The following SPMAP2 variants were observed in gnomAD, a reference collection of about 807,000 sequenced individuals.
The protein encoded by SPMAP2 is Theg homolog.
At chr19:375,144 G>A in the SPMAP2 span, among the ~76,000 whole-genome samples, 1 of 152,190 alleles carries the variant, frequency 6.6e-6, no homozygotes, top group Non-Finnish European at 1.5e-5. Context: ...TGCGCGCCTT[G>A]CTGGGGACAC....
At chr19:367,137 A>C in the SPMAP2 span, 3 of 1,613,180 alleles carry the variant, frequency 1.9e-6, no homozygotes, top group Non-Finnish European at 2.5e-6. Flanking sequence ...CACTCTTCCA[A>C]GAGGGTGGCT....
the SPMAP2 span, chr19:374,271 A>G: frequency 5.0e-6 from 8 of 1,611,116 alleles, no homozygotes; most frequent in African/African-American, 1.3e-5. Context: ...CGCTGCCCCT[A>G]CGAGGCCGTG....
chr19:370,571 C>T, the SPMAP2 span, among the ~76,000 whole-genome samples: 1 of 150,850 alleles, frequency 6.6e-6, no homozygotes, highest in Non-Finnish European at 1.5e-5. Context: ...AGGATGGTCT[C>T]GATCTGCTGA....
At chr19:374,256 G>A in the SPMAP2 span, 91 of 1,606,152 alleles carry the variant, frequency 5.7e-5, 1 homozygote, top group Middle Eastern at 1.7e-4. Context: ...AGAGAAAGCC[G>A]CCCACGCTGC....
chr19:367,110 G>C, the SPMAP2 span: 6 of 1,613,032 alleles, frequency 3.7e-6, no homozygotes, highest in African/African-American at 1.3e-5. Context: ...TGTGGCTTGG[G>C]TTTTGGCACG....
chr19:362,051 C>T, the SPMAP2 span: 17 of 496,966 alleles, frequency 3.4e-5, no homozygotes, highest in East Asian at 5.8e-4. Context: ...CTGGACAAGT[C>T]GCAGGTTGGA....
chr19:365,916 G>A, the SPMAP2 span, among the ~76,000 whole-genome samples: 4 of 152,176 alleles, frequency 2.6e-5, no homozygotes, highest in Admixed American at 1.3e-4. Flanking sequence ...GCCGAGGTGG[G>A]CGGATCATGA....
At chr19:369,508 T>A in the SPMAP2 span, among the ~76,000 whole-genome samples, 1 of 150,964 alleles carries the variant, frequency 6.6e-6, no homozygotes, top group Non-Finnish European at 1.5e-5. Context: ...GTTCATTCCC[T>A]GCTTGGAGAA....
chr19:363,195 T>C, the SPMAP2 span, among the ~76,000 whole-genome samples: 1 of 152,208 alleles, frequency 6.6e-6, no homozygotes, highest in African/African-American at 2.4e-5. Flanking sequence ...TTTTTATTTG[T>C]TTATTTATTT....
At chr19:370,781 G>C in the SPMAP2 span, among the ~76,000 whole-genome samples, 10 of 152,372 alleles carry the variant, frequency 6.6e-5, no homozygotes, top group African/African-American at 2.2e-4. Context: ...GCACGCGAGA[G>C]TCTCAGATGC....
At chr19:362,452 G>C in the SPMAP2 span, 1 of 1,546,030 alleles carries the variant, frequency 6.5e-7, no homozygotes, top group Non-Finnish European at 8.8e-7. Context: ...GAGAAGGACA[G>C]CACTGAAGCT....
At chr19:362,479 A>C in the SPMAP2 span, 1 of 1,450,020 alleles carries the variant, frequency 6.9e-7, no homozygotes, top group Non-Finnish European at 9.4e-7. Flanking sequence ...TCAAAGCTCC[A>C]CATTCAGGCT....
the SPMAP2 span, chr19:371,410 GTC>G: frequency 1.8e-6 from 1 of 566,714 alleles, no homozygotes. Flanking sequence ...GTGTGTATGT[GTC>G]TGTCTGTCTT....
chr19:367,822 G>A, the SPMAP2 span, among the ~76,000 whole-genome samples: 107 of 152,318 alleles, frequency 7.0e-4, no homozygotes, highest in African/African-American at 2.5e-3. Context: ...TGCACAAGCT[G>A]ACTGCAGCGC....
the SPMAP2 span, chr19:371,152 C>A: frequency 1.8e-6 from 2 of 1,108,980 alleles, no homozygotes; most frequent in Non-Finnish European, 2.5e-6. Flanking sequence ...CACTCTCTGC[C>A]GGGTCCCAGC....
chr19:365,953 C>T, the SPMAP2 span, among the ~76,000 whole-genome samples: 1 of 152,096 alleles, frequency 6.6e-6, no homozygotes, highest in Admixed American at 6.5e-5. Flanking sequence ...CCAGCCTGGC[C>T]AACATGGTGA....
chr19:362,834 G>T, the SPMAP2 span, among the ~76,000 whole-genome samples: 1 of 151,122 alleles, frequency 6.6e-6, no homozygotes, highest in East Asian at 1.9e-4. Context: ...GAGAAACGGA[G>T]GATGAAAATG....
the SPMAP2 span, among the ~76,000 whole-genome samples, chr19:375,169 A>G: frequency 6.6e-6 from 1 of 152,196 alleles, no homozygotes; most frequent in Non-Finnish European, 1.5e-5. Flanking sequence ...GCAACTGCCC[A>G]AAATCAGCGC....
the SPMAP2 span, among the ~76,000 whole-genome samples, chr19:368,396 A>C: frequency 4.8e-5 from 7 of 145,730 alleles, no homozygotes; most frequent in Admixed American, 4.7e-4. The surrounding 1 kb of genome is among the most constrained non-coding windows in gnomAD (Gnocchi z 4.1). Context: ...ATAACTAAGG[A>C]GTAGGCAAAG....
Sources: allele counts gnomAD v4.1 joint callset (sites outside exome capture counted in the v4.1 genomes callset), GRCh38; gene constraint gnomAD v4.1.1; non-coding constraint Gnocchi (gnomAD v3.1); transcripts MANE v1.5; gene names NCBI Gene and HGNC (gene_info 2026-07-23, HGNC 2026-07-21).